CSMD3: variants seen among roughly 807,000 people sequenced by gnomAD.
CSMD3 encodes CUB and sushi domain-containing protein 3.
CSMD3 carries 177 observed loss-of-function variants against 435.2 expected under a neutral mutation model. The ratio of observed to expected loss-of-function variants is 0.41; its 90% confidence interval spans 0.36 to 0.46. The LOEUF (loss-of-function observed/expected upper bound fraction) is 0.46. Among genes scored for constraint, CSMD3 ranks in the 20% least tolerant of loss-of-function variants. The probability of loss-of-function intolerance (pLI) is 0.34; values close to 1 mark genes in which losing one functional copy is unlikely to be tolerated. For missense variants in CSMD3, 4,265 were observed against 4,504.6 expected (o/e 0.95, Z 1.52); for synonymous variants, 1,656 against 1,520.5 (o/e 1.09, Z -2.07).
intron 30 of CSMD3, among the ~76,000 whole-genome samples, chr8:112,501,760 T>C (rs1278761688): frequency 6.6e-6 from 1 of 152,218 alleles, no homozygotes; most frequent in Non-Finnish European, 1.5e-5. Flanking sequence ...TCATCGTCAT[T>C]CATTTCTGGT....
chr8:113,310,892 G>GCTTACATAAATATTT (rs1184423906), intron 2 of CSMD3: 2 of 151,344 alleles, frequency 1.3e-5, no homozygotes, highest in East Asian at 1.9e-4. Flanking sequence ...TATATCCACA[G>GCTTACATAAATATTT]GATTAAATAT....
Position 113,436,530 on chromosome 8 carries a change from G to T in CSMD3, c.178+147C>A, listed in dbSNP as rs552317077. Reference sequence around the variant, plus strand: ...AAGCAAAATGCATTTCCTATCTGAGGGGGGGAGAACGAGCTGTGAATCAAC... The same window carrying T: ...AAGCAAAATGCATTTCCTATCTGAGTGGGGGAGAACGAGCTGTGAATCAAC... On this transcript the variant is annotated intron_variant, in intron 1 of 70. Coordinates refer to ENST00000297405, the MANE Select transcript of CSMD3 (RefSeq NM_198123.2). The T allele has an allele frequency of 4.9e-6, 4 of 818,678 alleles. No homozygotes were observed. In the African/African-American group the frequency reaches 5.1e-5, roughly 10 times the overall value. The allele number at this position is 818,678 out of a possible 1,614,324, so 50.7% of individuals were successfully genotyped here. A position where few individuals can be genotyped will look rare whatever the true frequency, so the allele number is the denominator to read the frequency against.
At chr8:112,314,184 T>C (rs898210001) in intron 48 of CSMD3, 132 bp from the exon 49 acceptor site, 9 of 757,306 alleles carry the variant, frequency 1.2e-5, no homozygotes, top group African/African-American at 1.8e-5. Flanking sequence ...TTAACAATAA[T>C]TGAAAACATA....
intron 35 of CSMD3, among the ~76,000 whole-genome samples, chr8:112,403,059 A>G (rs1265961907): frequency 6.6e-6 from 1 of 152,192 alleles, no homozygotes; most frequent in Non-Finnish European, 1.5e-5. Flanking sequence ...GGCACAAGAT[A>G]GGCGGAACAT....
At chr8:113,262,368 C>T (rs2093434158) in intron 3 of CSMD3, among the ~76,000 whole-genome samples, 4 of 152,040 alleles carry the variant, frequency 2.6e-5, no homozygotes, top group South Asian at 4.1e-4. Context: ...TTTGTACATA[C>T]TTGTTTTGAA....
chr8:112,684,628 G>C (rs1005197053), intron 15 of CSMD3, among the ~76,000 whole-genome samples: 1 of 151,900 alleles, frequency 6.6e-6, no homozygotes, highest in African/African-American at 2.4e-5. Flanking sequence ...AATCCACTAA[G>C]GTTTTTTTCT....
Position 113,153,092 on chromosome 8 carries a change from GAAAGAAAGA to G in CSMD3, c.709+20621_709+20629del, listed in dbSNP as rs777903275. On this transcript the variant is annotated intron_variant, in intron 4 of 70. Coordinates refer to ENST00000297405, the MANE Select transcript of CSMD3 (RefSeq NM_198123.2). The stretch of plus-strand genomic sequence containing the variant: ...AAAGAAAGAAAAAGAAAGAAAGAAA[GAAAGAAAGA>G]AAAGAAAGAAAGAAAGAAAGAAAGA... 1.1e-3 allele frequency among the ~76,000 whole-genome samples: 93 copies of G among 85,902 alleles called. No individual in the cohort carries two copies. The East Asian group carries it at 0.011, about 10-fold the overall frequency. The allele number at this position is 85,902 out of a possible 152,430, so 56.4% of individuals were successfully genotyped here.
chr8:112,823,508 C>T (rs2079585929), intron 12 of CSMD3, among the ~76,000 whole-genome samples: 1 of 152,148 alleles, frequency 6.6e-6, no homozygotes, highest in Non-Finnish European at 1.5e-5. Context: ...CCCAGAGATT[C>T]TGGTATGCTG....
intron 42 of CSMD3, among the ~76,000 whole-genome samples, chr8:112,338,138 G>A (rs2130970301): frequency 6.6e-6 from 1 of 152,238 alleles, no homozygotes; most frequent in Admixed American, 6.5e-5. Context: ...CTAATTCTGA[G>A]CCTTTTTACA....
chr8:112,967,235 T>C (rs1224615816), intron 7 of CSMD3, among the ~76,000 whole-genome samples: 1 of 151,926 alleles, frequency 6.6e-6, no homozygotes, highest in East Asian at 1.9e-4. Context: ...CTTGCTCCTA[T>C]TCACTTGAAA....
chr8:113,354,138 G>A (rs2094206882), intron 1 of CSMD3, among the ~76,000 whole-genome samples: 1 of 152,124 alleles, frequency 6.6e-6, no homozygotes, highest in East Asian at 1.9e-4. Flanking sequence ...GCCAGGTAAA[G>A]TCAGGACTTA....
chr8:113,037,666 T>A (rs1212656569), intron 5 of CSMD3, among the ~76,000 whole-genome samples: 1 of 152,154 alleles, frequency 6.6e-6, no homozygotes, highest in Non-Finnish European at 1.5e-5. Context: ...ATTAGCTTTT[T>A]TGCTGTTTTT....
At chr8:112,657,474 T>C (rs1227162172) in intron 17 of CSMD3, among the ~76,000 whole-genome samples, 1 of 152,224 alleles carries the variant, frequency 6.6e-6, no homozygotes, top group East Asian at 1.9e-4. Context: ...TATTAGATTT[T>C]TGGTTGTTCT....
At chr8:112,329,897 T>C (rs1823871872) in intron 45 of CSMD3, among the ~76,000 whole-genome samples, 1 of 152,006 alleles carries the variant, frequency 6.6e-6, no homozygotes, top group South Asian at 2.1e-4. Flanking sequence ...TTAGCTCCAT[T>C]GTTTCATTTT....
intron 1 of CSMD3, among the ~76,000 whole-genome samples, chr8:113,406,197 C>G (rs2094532167): frequency 6.6e-6 from 1 of 151,852 alleles, no homozygotes. Flanking sequence ...TATTGGACAT[C>G]TACCATTATA....
intron 27 of CSMD3, among the ~76,000 whole-genome samples, chr8:112,535,063 C>G (rs191655216): frequency 6.6e-6 from 1 of 152,160 alleles, no homozygotes; most frequent in Non-Finnish European, 1.5e-5. Context: ...GACAAACCCA[C>G]AGCCAATATG....
At position 113,195,767 on chromosome 8, in the gene CSMD3, T is replaced by C. The variant is rs947913428; in HGVS notation, c.515-21851A>G. 2.1e-5 allele frequency among the ~76,000 whole-genome samples: 3 copies of C among 145,138 alleles called. No individual in the cohort carries two copies. The Admixed American group carries it at 2.1e-4, about 10-fold the overall frequency. ...TATTTAACTTTTACTTGGATACATA[T>C]ATATAATATTCATATCCTATATTTT... is the stretch of plus-strand genomic sequence containing the variant. On this transcript the variant is annotated intron_variant, in intron 3 of 70. Transcript: ENST00000297405.
intron 30 of CSMD3, among the ~76,000 whole-genome samples, chr8:112,501,893 T>C (rs971010545): frequency 8.5e-5 from 13 of 152,180 alleles, no homozygotes; most frequent in Admixed American, 2.6e-4. Context: ...TTTCTAATTT[T>C]GATAAATCTC....
In CSMD3 at chr8:112,716,030, T is replaced by C. The variant is rs182862466; in HGVS notation, c.1973-25980A>G. On this transcript the variant is annotated intron_variant, in intron 13 of 70. Transcript: ENST00000297405. ...AAACTGGCACAAAACAAAGATGCAC[T>C]GTCTTCCCACTCTTATTCAGCATAG... Among the ~76,000 whole-genome samples the C allele has an allele frequency of 2.9e-3, 447 of 152,334 alleles. 4 individuals are homozygous for C. Among genetic ancestry groups the C allele is most frequent in the African/African-American group, 0.01 (426 of 41,586 alleles).
Sources: allele counts gnomAD v4.1 joint callset (sites outside exome capture counted in the v4.1 genomes callset), GRCh38; gene constraint gnomAD v4.1.1; transcripts MANE v1.5; gene names NCBI Gene and HGNC (gene_info 2026-07-23, HGNC 2026-07-21).